Variants in WAPL observed in about 807,000 individuals in gnomAD.
WAPL encodes the protein wings apart-like protein homolog.
A neutral mutation model predicts 121.0 loss-of-function variants in WAPL; 5 were observed. That is an observed-to-expected ratio of 0.04 (90% CI 0.02 to 0.09). The LOEUF (loss-of-function observed/expected upper bound fraction) is 0.09. WAPL is among the 10% of genes least tolerant of loss of function. WAPL has a pLI of 1.00. For synonymous variants in WAPL, 480 were observed against 481.5 expected (o/e 1.00, Z 0.04); for missense variants, 999 against 1,410.8 (o/e 0.71, Z 4.68).
intron 4 of WAPL, among the ~76,000 whole-genome samples, chr10:86,475,532 G>A (rs1377769646): frequency 6.6e-6 from 1 of 152,126 alleles, no homozygotes; most frequent in Non-Finnish European, 1.5e-5. Context: ...CTAATAAAGT[G>A]GAAAAATTCT....
Position 86,500,707 on chromosome 10 carries a change from T to C in WAPL, c.536A>G (p.Asn179Ser), listed in dbSNP as rs143702248. Residue 179 changes from asparagine to serine, a missense_variant, in exon 3 of 19, where the codon AAT (asparagine) becomes AGT (serine). Transcript: ENST00000298767. ...VENFHEEHEK[N>S]SHHIHKNADD... ...AGCATTTTTGTGAATATGGTGACTA[T>C]TCTTTTCATGTTCTTCATGAAAATT... The C allele has an allele frequency of 8.6e-4, 1,357 of 1,579,760 alleles. 3 individuals carry two copies. The highest frequency in any genetic ancestry group is 1.1e-3 in the Non-Finnish European group (1,298 of 1,168,576).
chr10:86,470,880 A>T (rs1437814077), intron 8 of WAPL, 112 bp downstream of exon 8: 1 of 814,050 alleles, frequency 1.2e-6, no homozygotes, highest in African/African-American at 1.7e-5. Context: ...AAATGAACTC[A>T]ATCTATAATT....
At chr10:86,485,301 G>C (rs566940464) in intron 4 of WAPL, among the ~76,000 whole-genome samples, 7 of 152,062 alleles carry the variant, frequency 4.6e-5, no homozygotes, top group Non-Finnish European at 1.0e-4. Flanking sequence ...CCAGCACATT[G>C]GGAGGCCGAG....
At chr10:86,464,794 C>A (rs966730383) in intron 9 of WAPL, among the ~76,000 whole-genome samples, 1 of 152,202 alleles carries the variant, frequency 6.6e-6, no homozygotes, top group Admixed American at 6.5e-5. Flanking sequence ...CGAGATCACA[C>A]CACTGCACTC....
intron 9 of WAPL, among the ~76,000 whole-genome samples, chr10:86,462,496 G>T (rs1841305411): frequency 6.6e-6 from 1 of 152,050 alleles, no homozygotes; most frequent in Admixed American, 6.6e-5. Flanking sequence ...GAGGCGGGCT[G>T]ATCACCTCAG....
chr10:86,488,354 AT>A (rs1841970929), intron 4 of WAPL: 1 of 152,250 alleles, frequency 6.6e-6, no homozygotes, highest in Admixed American at 6.5e-5. Flanking sequence ...ACCATTCTCC[AT>A]GAACTGCAAA....
rs11402864 is a variant in WAPL, at chr10:86,438,253, C to CTTT, written c.3412-241_3412-239dup. Among the ~76,000 whole-genome samples the CTTT allele has an allele frequency of 1.2e-3, 169 of 138,544 alleles. 1 individual carries two copies. The highest frequency in any genetic ancestry group is 3.9e-3 in the African/African-American group (147 of 37,320). The allele number at this position is 138,544 out of a possible 152,430, so 90.9% of individuals were successfully genotyped here. ...AAAGAAATATTTGTGTACACATTTA[C>CTTT]TTTTTTTTTTTTTTTTTTAAATGAA... is the stretch of plus-strand genomic sequence containing the variant. On this transcript the variant is annotated intron_variant, in intron 17 of 18. Coordinates refer to ENST00000298767, the MANE Select transcript of WAPL (RefSeq NM_015045.5).
intron 2 of WAPL, among the ~76,000 whole-genome samples, chr10:86,508,119 G>A (rs1309903095): frequency 6.6e-6 from 1 of 152,142 alleles, no homozygotes; most frequent in Admixed American, 6.6e-5. Flanking sequence ...CTTCAACTAA[G>A]GCCTCAATAA....
At chr10:86,509,447 G>A (rs901662551) in intron 2 of WAPL, among the ~76,000 whole-genome samples, 8 of 152,008 alleles carry the variant, frequency 5.3e-5, no homozygotes, top group Admixed American at 2.0e-4. Flanking sequence ...CCTTGCCTAC[G>A]TACCTGCACC....
At chr10:86,484,121 AGT>A (rs1841872077) in intron 4 of WAPL, among the ~76,000 whole-genome samples, 1 of 152,240 alleles carries the variant, frequency 6.6e-6, no homozygotes, top group Non-Finnish European at 1.5e-5. Flanking sequence ...ACAGTAGTAC[AGT>A]GTGTTTGTTT....
In WAPL at chr10:86,456,552, C is replaced by CA. The variant is rs1173665311; in HGVS notation, c.2657+2436dup. ...TACAAATCAAGTAAGCTCACTCTGT[C>CA]AGTTGATTCTTCATGCATTATATAT... On this transcript the variant is annotated intron_variant, in intron 12 of 18. Transcript: ENST00000298767. Among the ~76,000 whole-genome samples, 2 of 152,164 alleles carry CA rather than the reference C, an allele frequency of 1.3e-5. 1 individual carries two copies.
At chr10:86,460,517 G>GT (rs1165893359) in intron 10 of WAPL, 21 bp from the exon 11 acceptor site, 10 of 1,589,498 alleles carry the variant, frequency 6.3e-6, no homozygotes, top group African/African-American at 1.3e-5. Context: ...AGAAACAAAC[G>GT]TAAGTTAGTA....
intron 18 of WAPL, 93 bp from the exon 19 acceptor site, chr10:86,437,701 C>A: frequency 7.5e-7 from 1 of 1,329,454 alleles, no homozygotes; most frequent in South Asian, 1.4e-5. Context: ...ATTTACTAAA[C>A]TGAACACTAC....
intron 14 of WAPL, 146 bp from the exon 15 acceptor site, chr10:86,452,277 CAAAAAGAA>C (rs971093711): frequency 5.4e-6 from 3 of 552,422 alleles, no homozygotes; most frequent in Non-Finnish European, 5.5e-6. Context: ...TATGAAAGGC[CAAAAAGAA>C]AAAAAGAAAA....
intron 9 of WAPL, among the ~76,000 whole-genome samples, chr10:86,461,583 G>T (rs1841276069): frequency 6.6e-6 from 1 of 151,960 alleles, no homozygotes; most frequent in African/African-American, 2.4e-5. Flanking sequence ...TAAGTCAAAG[G>T]GTACATGTAT....
intron 2 of WAPL, among the ~76,000 whole-genome samples, chr10:86,509,768 T>G: frequency 6.7e-6 from 1 of 148,456 alleles, no homozygotes. Flanking sequence ...CTCTTTGGTT[T>G]TTTTTTTTTT....
At chr10:86,519,357 GA>G (rs1340336985) in intron 1 of WAPL, among the ~76,000 whole-genome samples, 1 of 152,094 alleles carries the variant, frequency 6.6e-6, no homozygotes, top group Non-Finnish European at 1.5e-5. Flanking sequence ...TCATTACTTT[GA>G]AAGCTACAAG....
intron 9 of WAPL, among the ~76,000 whole-genome samples, chr10:86,466,509 G>A (rs1439286177): frequency 6.6e-6 from 1 of 152,156 alleles, no homozygotes; most frequent in Non-Finnish European, 1.5e-5. Context: ...GTTTGAGGCT[G>A]CAGTGAGCTA....
chr10:86,449,808 T>C (rs187766293), intron 15 of WAPL, among the ~76,000 whole-genome samples: 134 of 151,928 alleles, frequency 8.8e-4, no homozygotes, highest in Middle Eastern at 3.4e-3. Context: ...AAACAAGAGA[T>C]GGAAAAAGAT....
Sources: allele counts gnomAD v4.1 joint callset (sites outside exome capture counted in the v4.1 genomes callset), GRCh38; gene constraint gnomAD v4.1.1; transcripts MANE v1.5; gene names NCBI Gene and HGNC (gene_info 2026-07-23, HGNC 2026-07-21).